TAFA2: variants seen among roughly 807,000 people sequenced by gnomAD.
The protein encoded by TAFA2 is TAFA chemokine like family member 2, also known as chemokine-like protein TAFA-2.
A neutral mutation model predicts 18.8 loss-of-function variants in TAFA2; 7 were observed. The ratio of observed to expected loss-of-function variants is 0.37; its 90% CI spans 0.21 to 0.70. TAFA2 has a LOEUF of 0.70. TAFA2 is among the 30% of genes least tolerant of loss of function. The pLI, the probability that TAFA2 is intolerant of heterozygous loss-of-function variation, is 0.53. For synonymous variants in TAFA2, 60 were observed against 54.2 expected (o/e 1.11, Z -0.47); for missense variants, 122 against 158.1 (o/e 0.77, Z 1.23).
At chr12:61,862,329 G>A (rs1265640674) in intron 2 of TAFA2, among the ~76,000 whole-genome samples, 1 of 152,152 alleles carries the variant, frequency 6.6e-6, no homozygotes, top group Non-Finnish European at 1.5e-5. Context: ...AGAATTCAGG[G>A]CAGAATCTTT....
At chr12:61,714,918 C>T (rs1283580543) in intron 4 of TAFA2, among the ~76,000 whole-genome samples, 1 of 152,200 alleles carries the variant, frequency 6.6e-6, no homozygotes, top group East Asian at 1.9e-4. Context: ...AGGCTTTGTT[C>T]GGCAGACTGC....
chr12:62,082,103 T>A (rs1033665693), intron 1 of TAFA2, among the ~76,000 whole-genome samples: 3 of 152,178 alleles, frequency 2.0e-5, no homozygotes, highest in Non-Finnish European at 2.9e-5. Context: ...TCCATCCATA[T>A]CCCTGCAAAG....
At chr12:61,977,484 T>A (rs1469780323) in intron 1 of TAFA2, among the ~76,000 whole-genome samples, 1 of 152,058 alleles carries the variant, frequency 6.6e-6, no homozygotes, top group Non-Finnish European at 1.5e-5. Flanking sequence ...GTGCACTGAA[T>A]GTCATGGCTT....
At chr12:62,076,845 C>T (rs1868251275) in intron 1 of TAFA2, among the ~76,000 whole-genome samples, 1 of 152,148 alleles carries the variant, frequency 6.6e-6, no homozygotes, top group Admixed American at 6.5e-5. Context: ...TTTGAAGGCC[C>T]TGGAGATGTG....
At chr12:61,839,967 G>T (rs1421927687) in intron 2 of TAFA2, among the ~76,000 whole-genome samples, 1 of 152,094 alleles carries the variant, frequency 6.6e-6, no homozygotes, top group Non-Finnish European at 1.5e-5. Context: ...ATGAGGAAAA[G>T]ATTTCAGACA....
chr12:61,810,320 G>GTTT (rs5798617), intron 2 of TAFA2, among the ~76,000 whole-genome samples: 1 of 137,414 alleles, frequency 7.3e-6, no homozygotes, highest in African/African-American at 2.7e-5. Context: ...CCATTACTTT[G>GTTT]TTTTTTTTTT....
At chr12:61,923,747 C>A (rs1412265763) in intron 1 of TAFA2, among the ~76,000 whole-genome samples, 1 of 151,962 alleles carries the variant, frequency 6.6e-6, no homozygotes, top group Non-Finnish European at 1.5e-5. Flanking sequence ...GTTTGACGAA[C>A]TGACAGAAGT....
chr12:61,835,386 C>T (rs1039531829), intron 2 of TAFA2, among the ~76,000 whole-genome samples: 1 of 151,774 alleles, frequency 6.6e-6, no homozygotes, highest in African/African-American at 2.4e-5. Flanking sequence ...TATTTTTTTA[C>T]TTTAGATTCA....
rs1233530325 is a variant in TAFA2, at chr12:62,234,546, C to T, written c.-130+24217G>A. 2.2e-4 allele frequency: 185 copies of T among 846,542 alleles called. No individual in the cohort carries two copies. In the Admixed American group the frequency reaches 2.8e-3, roughly 13 times the overall value. 52.4% of individuals were successfully genotyped at this position (846,542 alleles called of 1,614,324 possible). A position where few individuals can be genotyped will look rare whatever the true frequency, so the allele number is the denominator to read the frequency against. On this transcript the variant is annotated intron_variant, in intron 1 of 5. Transcript: ENST00000551619. ...ATGGTCAATGTCTGGTGTGTACCCA[C>T]GTATGTCATCTACGCTCATTAGAAC...
At chr12:62,204,876 G>A (rs975224811) in intron 1 of TAFA2, among the ~76,000 whole-genome samples, 7 of 152,204 alleles carry the variant, frequency 4.6e-5, no homozygotes, top group African/African-American at 1.4e-4. Context: ...TGCTGGGGAG[G>A]TGCTATGATC....
chr12:62,069,742 G>C (rs931600713), intron 1 of TAFA2, among the ~76,000 whole-genome samples: 1 of 152,090 alleles, frequency 6.6e-6, no homozygotes. Context: ...TTGAATTTTA[G>C]TTCCTTCACA....
chr12:61,839,825 A>C (rs755807869), intron 2 of TAFA2, among the ~76,000 whole-genome samples: 7 of 152,084 alleles, frequency 4.6e-5, no homozygotes, highest in Non-Finnish European at 7.4e-5. Context: ...AATATACCCA[A>C]GTAAAAAATC....
chr12:61,993,522 A>G (rs376986953), intron 1 of TAFA2, among the ~76,000 whole-genome samples: 33 of 152,286 alleles, frequency 2.2e-4, no homozygotes, highest in African/African-American at 7.7e-4. Flanking sequence ...GAAGACACAC[A>G]AATATGTAAA....
intron 1 of TAFA2, among the ~76,000 whole-genome samples, chr12:62,210,431 G>A (rs182717829): frequency 6.4e-4 from 98 of 152,126 alleles, no homozygotes; most frequent in Non-Finnish European, 1.2e-3. Context: ...TATGATATAG[G>A]ATTATTTCCT....
intron 1 of TAFA2, among the ~76,000 whole-genome samples, chr12:61,941,396 A>G (rs1321027788): frequency 6.6e-6 from 1 of 152,196 alleles, no homozygotes; most frequent in African/African-American, 2.4e-5. Flanking sequence ...TAGTGAATTA[A>G]TAGGGTAGGC....
intron 1 of TAFA2, among the ~76,000 whole-genome samples, chr12:62,163,664 G>C (rs982034266): frequency 6.6e-6 from 1 of 152,116 alleles, no homozygotes; most frequent in Non-Finnish European, 1.5e-5. Context: ...AGTGCCCACA[G>C]AATGTCCTCT....
chr12:62,016,271 T>A (rs985378706), intron 1 of TAFA2, among the ~76,000 whole-genome samples: 8 of 152,196 alleles, frequency 5.3e-5, no homozygotes, highest in Non-Finnish European at 1.2e-4. Context: ...TGTATTATTA[T>A]GTGACCAGTG....
In TAFA2 at chr12:61,708,389, A is replaced by G. The variant is rs1869240559; in HGVS notation, c.*2017T>C. Reference sequence around the variant, plus strand: ...TGTTTTTTTTCTATTATATGCATGTATTACACTTGTATATAATACAGAGTT... The same window carrying G: ...TGTTTTTTTTCTATTATATGCATGTGTTACACTTGTATATAATACAGAGTT... On this transcript the variant is annotated 3_prime_UTR_variant, in exon 5 of 5. Coordinates refer to ENST00000416284, the MANE Select transcript of TAFA2 (RefSeq NM_178539.5). The G allele has an allele frequency of 6.6e-6, 1 of 152,068 alleles. No individual in the cohort carries two copies. Among genetic ancestry groups the G allele is most frequent in the Non-Finnish European group, 1.5e-5 (1 of 67,976 alleles). 9.4% of individuals were successfully genotyped at this position (152,068 alleles called of 1,614,324 possible).
At chr12:62,167,270 T>C (rs1299839489) in intron 1 of TAFA2, among the ~76,000 whole-genome samples, 3 of 152,168 alleles carry the variant, frequency 2.0e-5, no homozygotes, top group Non-Finnish European at 1.5e-5. Flanking sequence ...TGTCTTGTTT[T>C]CAACGTAAAT....
Sources: gnomAD v4.1 joint callset for allele counts (sites outside exome capture counted in the v4.1 genomes callset) on GRCh38, gnomAD v4.1.1 for gene constraint, MANE v1.5 for transcripts, NCBI Gene and HGNC (gene_info 2026-07-23, HGNC 2026-07-21) for gene names.